The following PDE5A variants were observed in gnomAD, a reference collection of about 807,000 sequenced individuals.
PDE5A encodes the protein cGMP-specific 3',5'-cyclic phosphodiesterase.
PDE5A carries 67 observed loss-of-function variants against 110.2 expected under a neutral mutation model. The ratio of observed to expected loss-of-function variants is 0.61; its 90% CI spans 0.50 to 0.75. The LOEUF is 0.75. PDE5A is among the 30% of genes least tolerant of loss of function. The probability of loss-of-function intolerance (pLI) is 0.00; values close to 1 mark genes in which losing one functional copy is unlikely to be tolerated. For synonymous variants in PDE5A, 328 were observed against 351.2 expected (o/e 0.93, Z 0.74); for missense variants, 862 against 1,045.1 (o/e 0.82, Z 2.42).
chr4:119,528,262 G>A (rs555734110), intron 11 of PDE5A, among the ~76,000 whole-genome samples: 33 of 151,660 alleles, frequency 2.2e-4, no homozygotes, highest in African/African-American at 8.0e-4. Flanking sequence ...CACCATTCTT[G>A]CAAAAATTAA....
At chr4:119,580,264 G>T (rs1728543530) in intron 3 of PDE5A, among the ~76,000 whole-genome samples, 1 of 152,166 alleles carries the variant, frequency 6.6e-6, no homozygotes, top group Non-Finnish European at 1.5e-5. Flanking sequence ...ATGAGGTAAA[G>T]CTCTTAAACC....
chr4:119,577,823 G>A (rs1273600435), intron 3 of PDE5A, among the ~76,000 whole-genome samples: 1 of 152,186 alleles, frequency 6.6e-6, no homozygotes, highest in Non-Finnish European at 1.5e-5. Flanking sequence ...CACAGTGTTG[G>A]AAGTTCTGGC....
At chr4:119,508,400 T>TA (rs1455406456) in intron 15 of PDE5A, among the ~76,000 whole-genome samples, 1 of 151,968 alleles carries the variant, frequency 6.6e-6, no homozygotes, top group African/African-American at 2.4e-5. Context: ...CTAAGTAAAA[T>TA]ACACAGACCA....
intron 2 of PDE5A, among the ~76,000 whole-genome samples, chr4:119,601,452 C>A (rs181325825): frequency 1.3e-5 from 2 of 152,052 alleles, no homozygotes; most frequent in African/African-American, 4.8e-5. Context: ...CCCCACCCCC[C>A]GCCACCTCCC....
intron 9 of PDE5A, chr4:119,548,435 T>A (rs1219230144): frequency 6.6e-6 from 1 of 152,246 alleles, no homozygotes; most frequent in African/African-American, 2.4e-5. Flanking sequence ...CATTTTCCTC[T>A]ATGAGTTTTA....
chr4:119,618,466 C>G (rs2110561893), intron 1 of PDE5A, among the ~76,000 whole-genome samples: 1 of 151,920 alleles, frequency 6.6e-6, no homozygotes, highest in South Asian at 2.1e-4. Flanking sequence ...TGTATTTTTT[C>G]AAATTACAAT....
In PDE5A at chr4:119,501,099, ATC is replaced by A; in HGVS notation, c.2490+69_2490+70del. On this transcript the variant is annotated intron_variant, in intron 20 of 20. Transcript: ENST00000354960. ...AGCAAAATATAGGCGCCTAATATTAATCTCTTCAATTTTAGGTTCTAATTCAC... is the reference window on the plus strand; with the variant it reads ...AGCAAAATATAGGCGCCTAATATTAATCTTCAATTTTAGGTTCTAATTCAC... 3.3e-6 allele frequency: 3 copies of A among 898,236 alleles called. No homozygotes were observed. The South Asian group carries it at 4.3e-5, about 13-fold the overall frequency. The allele number at this position is 898,236 out of a possible 1,614,324, so 55.6% of individuals were successfully genotyped here.
chr4:119,539,204 G>A, intron 10 of PDE5A, 185 bp from the exon 11 acceptor site: 2 of 564,278 alleles, frequency 3.5e-6, no homozygotes, highest in Non-Finnish European at 3.2e-6. Context: ...TGCTTGTTTT[G>A]GAAAACAAAA....
intron 3 of PDE5A, among the ~76,000 whole-genome samples, chr4:119,593,153 G>A (rs1578808254): frequency 1.3e-5 from 2 of 152,274 alleles, no homozygotes; most frequent in Middle Eastern, 6.8e-3. Flanking sequence ...CAGCTACTTT[G>A]GAAGAGTTTG....
Position 119,494,512 on chromosome 4 carries a change from C to T in PDE5A, c.*4089G>A, listed in dbSNP as rs1724993548. The T allele has an allele frequency of 1.3e-5, 2 of 152,502 alleles. No individual in the cohort carries two copies. Among genetic ancestry groups the T allele is most frequent in the Admixed American group, 1.3e-4 (2 of 15,252 alleles). 9.4% of individuals were successfully genotyped at this position (152,502 alleles called of 1,614,324 possible). On this transcript the variant is annotated 3_prime_UTR_variant, in exon 21 of 21. Coordinates refer to ENST00000354960, the MANE Select transcript of PDE5A (RefSeq NM_001083.4). ...ACCTTGACCATCTCATGACTTTATA[C>T]AGGAATCGGAGGTAAGTGTTCCTTT...
At chr4:119,575,238 T>G (rs1057101966) in intron 3 of PDE5A, among the ~76,000 whole-genome samples, 4 of 152,134 alleles carry the variant, frequency 2.6e-5, no homozygotes, top group African/African-American at 9.7e-5. Flanking sequence ...ACAGGGAGAA[T>G]AGAACCAAGT....
intron 13 of PDE5A, 93 bp downstream of exon 13, chr4:119,520,842 T>A: frequency 9.5e-7 from 1 of 1,047,330 alleles, no homozygotes; most frequent in Non-Finnish European, 1.4e-6. Context: ...TTTAAATCAT[T>A]GTGCACCTTA....
chr4:119,584,831 C>A (rs1185272363), intron 3 of PDE5A, among the ~76,000 whole-genome samples: 1 of 152,194 alleles, frequency 6.6e-6, no homozygotes, highest in Non-Finnish European at 1.5e-5. Flanking sequence ...CCTCTGCTCT[C>A]AGTCTGTCAA....
intron 7 of PDE5A, among the ~76,000 whole-genome samples, chr4:119,558,226 T>C (rs1387240714): frequency 6.6e-6 from 1 of 152,222 alleles, no homozygotes; most frequent in East Asian, 1.9e-4. Flanking sequence ...CTTTATCCCT[T>C]TTATGATATG....
chr4:119,572,696 C>T (rs993401980), intron 3 of PDE5A, among the ~76,000 whole-genome samples: 1 of 152,116 alleles, frequency 6.6e-6, no homozygotes, highest in Admixed American at 6.6e-5. Flanking sequence ...CGTGGGTCTA[C>T]CCCCCAAATT....
rs1055546665 is a variant in PDE5A, at chr4:119,539,110, T to C, written c.1573-91A>G. 27 of 975,158 alleles carry C rather than the reference T, an allele frequency of 2.8e-5. No homozygotes were observed. The Admixed American group carries it at 3.9e-4, about 14-fold the overall frequency. The allele number at this position is 975,158 out of a possible 1,614,324, so 60.4% of individuals were successfully genotyped here. ...AAGCTTGGAATTCTGCTAAGTCTTCTTGGAGAGATAATTAGACTCCTCAGA... is the reference window on the plus strand; with the variant it reads ...AAGCTTGGAATTCTGCTAAGTCTTCCTGGAGAGATAATTAGACTCCTCAGA... On this transcript the variant is annotated intron_variant, in intron 10 of 20. Transcript: ENST00000354960.
chr4:119,607,812 G>T (rs1486383289), intron 1 of PDE5A, among the ~76,000 whole-genome samples: 2 of 152,004 alleles, frequency 1.3e-5, no homozygotes, highest in Non-Finnish European at 2.9e-5. Context: ...CTTAATAAAG[G>T]CTGACTTCTA....
chr4:119,524,240 A>C (rs1423673770), intron 12 of PDE5A, among the ~76,000 whole-genome samples: 3 of 152,100 alleles, frequency 2.0e-5, no homozygotes, highest in African/African-American at 4.8e-5. Context: ...TTGCCCAACG[A>C]AAAAAGAGCT....
intron 3 of PDE5A, 51 bp downstream of exon 3, chr4:119,596,471 CA>C (rs1560633488): frequency 9.6e-7 from 1 of 1,040,684 alleles, no homozygotes; most frequent in Non-Finnish European, 1.4e-6. Flanking sequence ...AAATATTTTT[CA>C]AAAAGAAAAA....
Sources: allele counts gnomAD v4.1 joint callset (sites outside exome capture counted in the v4.1 genomes callset), GRCh38; gene constraint gnomAD v4.1.1; transcripts MANE v1.5; gene names NCBI Gene and HGNC (gene_info 2026-07-23, HGNC 2026-07-21).